Variants in LRFN2 observed in about 807,000 individuals in gnomAD.
The protein encoded by LRFN2 is leucine-rich repeat and fibronectin type-III domain-containing protein 2.
LRFN2 carries 18 observed loss-of-function variants against 37.3 expected under a neutral mutation model. The observed-to-expected ratio is 0.48, with a 90% CI of 0.33 to 0.72. The LOEUF (loss-of-function observed/expected upper bound fraction) is 0.72, where lower values mean the gene tolerates loss of function less well. LRFN2 is among the 30% of genes least tolerant of loss of function. LRFN2 has a pLI of 0.02. For synonymous variants in LRFN2, 556 were observed against 466.6 expected (o/e 1.19, Z -2.47); for missense variants, 1,006 against 1,060.7 (o/e 0.95, Z 0.72).
intron 1 of LRFN2, among the ~76,000 whole-genome samples, chr6:40,436,165 T>C (rs1763668937): frequency 6.6e-6 from 1 of 152,274 alleles, no homozygotes; most frequent in South Asian, 2.1e-4. Context: ...TTTTTTATTT[T>C]ACAAACTCTT....
At chr6:40,468,691 C>G (rs1379455287) in intron 1 of LRFN2, among the ~76,000 whole-genome samples, 1 of 151,652 alleles carries the variant, frequency 6.6e-6, no homozygotes, top group Non-Finnish European at 1.5e-5. Context: ...GCTGAAGGAG[C>G]ATGGGGGCTT....
chr6:40,440,339 A>G lies in LRFN2; in HGVS notation c.-18-7208T>C, dbSNP rs566103311. Among the ~76,000 whole-genome samples the G allele has an allele frequency of 6.6e-5, 10 of 152,256 alleles. No individual in the cohort carries two copies. The South Asian group carries it at 1.9e-3, about 28-fold the overall frequency. On this transcript the variant is annotated intron_variant, in intron 1 of 2. Coordinates refer to ENST00000338305, the MANE Select transcript of LRFN2 (RefSeq NM_020737.3). Reference sequence around the variant, plus strand: ...GCTTTTATTGTGTTGCAACACAATTATGTGTTTGCCTGCCTTCTACCCTTG... The same window carrying G: ...GCTTTTATTGTGTTGCAACACAATTGTGTGTTTGCCTGCCTTCTACCCTTG...
intron 2 of LRFN2, among the ~76,000 whole-genome samples, chr6:40,415,558 C>T (rs137921170): frequency 5.8e-4 from 88 of 152,294 alleles, no homozygotes; most frequent in Non-Finnish European, 1.1e-3. Context: ...ATCACCTCTT[C>T]CAGGAAGCCT....
rs1763545286 is a variant in LRFN2, at chr6:40,432,946, C to T, written c.168G>A (p.Glu56=). The change falls in exon 2 of 3, where the codon GAG becomes GAA. Residue 56 remains glutamate (E), a synonymous_variant. Transcript: ENST00000338305. ...TGATGAAGTTGCCGCCCAGGCGCAG[C>T]TCCACTGTCCGCCGGTCAATATCAG... ...VPPDIDRRTV[E]LRLGGNFIIH... is the part of the protein sequence containing the mutation. The T allele has an allele frequency of 6.8e-6, 11 of 1,613,708 alleles. No individual in the cohort carries two copies. The highest frequency in any genetic ancestry group is 8.5e-6 in the Non-Finnish European group (10 of 1,179,796).
chr6:40,435,082 G>GAGAGAGAGAGAGAC (rs1554134660), intron 1 of LRFN2, among the ~76,000 whole-genome samples: 2 of 135,584 alleles, frequency 1.5e-5, no homozygotes, highest in East Asian at 5.4e-4. Flanking sequence ...GAGAGAGAGA[G>GAGAGAGAGAGAGAC]AGAGAGAGAC....
intron 1 of LRFN2, among the ~76,000 whole-genome samples, chr6:40,487,191 CTT>C (rs1189753149): frequency 6.6e-6 from 1 of 152,212 alleles, no homozygotes; most frequent in Non-Finnish European, 1.5e-5. Flanking sequence ...GTCTCAGTCT[CTT>C]TTGCTGGTCT....
At chr6:40,443,666 A>G (rs1436452283) in intron 1 of LRFN2, among the ~76,000 whole-genome samples, 1 of 152,160 alleles carries the variant, frequency 6.6e-6, no homozygotes, top group Non-Finnish European at 1.5e-5. Flanking sequence ...GAAGGGGTGG[A>G]GACACATTAT....
intron 2 of LRFN2, chr6:40,407,858 C>T (rs1472330027): frequency 6.6e-6 from 1 of 152,270 alleles, no homozygotes; most frequent in African/African-American, 2.4e-5. Context: ...ATCGTATGCT[C>T]TCTTTGGCAG....
At chr6:40,526,942 G>A (rs1042832231) in intron 1 of LRFN2, among the ~76,000 whole-genome samples, 4 of 152,152 alleles carry the variant, frequency 2.6e-5, no homozygotes, top group Non-Finnish European at 5.9e-5. Flanking sequence ...ATCATTGCCT[G>A]AACTGGGTGA....
At chr6:40,452,659 C>T (rs1581717195) in intron 1 of LRFN2, among the ~76,000 whole-genome samples, 3 of 152,310 alleles carry the variant, frequency 2.0e-5, no homozygotes, top group Admixed American at 6.5e-5. Context: ...TGACAGGTCT[C>T]TGAAAAGAGC....
intron 1 of LRFN2, among the ~76,000 whole-genome samples, chr6:40,538,740 C>T (rs928887015): frequency 6.6e-6 from 1 of 152,262 alleles, no homozygotes; most frequent in Non-Finnish European, 1.5e-5. Flanking sequence ...CCCCTCTCCA[C>T]CTGCCCCCGG....
chr6:40,459,449 C>T (rs950433800), intron 1 of LRFN2, among the ~76,000 whole-genome samples: 11 of 152,194 alleles, frequency 7.2e-5, no homozygotes, highest in Non-Finnish European at 1.2e-4. Flanking sequence ...ATTGCAAACA[C>T]TGTCTTTTTA....
chr6:40,446,404 A>G (rs557714776), intron 1 of LRFN2, among the ~76,000 whole-genome samples: 22 of 152,236 alleles, frequency 1.4e-4, no homozygotes, highest in Non-Finnish European at 2.6e-4. Context: ...CAGAGGAGAA[A>G]GGATCTCCCC....
intron 1 of LRFN2, among the ~76,000 whole-genome samples, chr6:40,454,727 A>G (rs58459195): frequency 0.034 from 5,130 of 152,354 alleles, 151 homozygotes; most frequent in East Asian, 0.08. Context: ...CTGCACAGAT[A>G]CTTGTACTTA....
At chr6:40,567,437 T>C (rs1484764340) in intron 1 of LRFN2, among the ~76,000 whole-genome samples, 1 of 152,088 alleles carries the variant, frequency 6.6e-6, no homozygotes, top group African/African-American at 2.4e-5. Context: ...TAAATCTCCC[T>C]CAACCCCAGT....
At chr6:40,572,122 CCACTTAT>C (rs1360836635) in intron 1 of LRFN2, among the ~76,000 whole-genome samples, 1 of 152,236 alleles carries the variant, frequency 6.6e-6, no homozygotes, top group African/African-American at 2.4e-5. Flanking sequence ...TCCCTGCATG[CCACTTAT>C]CACATGTGTG....
intron 1 of LRFN2, among the ~76,000 whole-genome samples, chr6:40,540,695 A>T (rs931628640): frequency 6.6e-6 from 1 of 152,194 alleles, no homozygotes; most frequent in African/African-American, 2.4e-5. Context: ...GGCCTTCTGC[A>T]GAGTATTATT....
chr6:40,563,080 TACCC>T (rs1767029645), intron 1 of LRFN2, among the ~76,000 whole-genome samples: 1 of 152,136 alleles, frequency 6.6e-6, no homozygotes, highest in Non-Finnish European at 1.5e-5. Context: ...TTTTCAGCCT[TACCC>T]ATGTCTTCCT....
intron 1 of LRFN2, among the ~76,000 whole-genome samples, chr6:40,457,623 A>G (rs1393052013): frequency 1.4e-5 from 2 of 147,948 alleles, no homozygotes; most frequent in Non-Finnish European, 3.0e-5. Context: ...TAGGCAACAA[A>G]GAAAGACCCT....
Sources: gnomAD v4.1 joint callset for allele counts (sites outside exome capture counted in the v4.1 genomes callset) on GRCh38, gnomAD v4.1.1 for gene constraint, MANE v1.5 for transcripts, NCBI Gene and HGNC (gene_info 2026-07-23, HGNC 2026-07-21) for gene names.